Variants in TRIP6 observed in about 807,000 individuals in gnomAD.
The protein encoded by TRIP6 is thyroid receptor-interacting protein 6.
Under a neutral mutation model 51.9 loss-of-function variants are expected in TRIP6, and 33 were observed. The observed-to-expected ratio is 0.64, with a 90% CI of 0.48 to 0.85. The LOEUF (loss-of-function observed/expected upper bound fraction) is 0.85, where lower values mean the gene tolerates loss of function less well. Among genes scored for constraint, TRIP6 ranks in the 40% least tolerant of loss-of-function variants. TRIP6 has a pLI of 0.00. For synonymous variants in TRIP6, 255 were observed against 275.8 expected, an observed-to-expected ratio of 0.92 and a Z score of 0.75; for missense variants, 661 against 652.1, an observed-to-expected ratio of 1.01 and a Z score of -0.15.
Position 100,867,618 on chromosome 7 carries a change from CT to C in TRIP6, c.109+14del. On this transcript the variant is annotated intron_variant, in intron 1 of 8. Transcript: ENST00000200457. The surrounding 1 kb of genome is among the most constrained non-coding windows in gnomAD (Gnocchi z 5.4). ...GGCCCACGGAGCAGGTAAGGCAGCC[CT>C]TGTGAGACAGAAGAGCCACCCAGCT... 3 of 1,544,000 alleles carry C rather than the reference CT, an allele frequency of 1.9e-6. No homozygotes were observed. Among genetic ancestry groups the C allele is most frequent in the Non-Finnish European group, 2.6e-6 (3 of 1,148,910 alleles).
chr7:100,867,668 G>T lies in TRIP6; in HGVS notation c.109+62G>T. The T allele has an allele frequency of 6.4e-7, 1 of 1,563,616 alleles. No homozygotes were observed. ...CTGTGGCGCTCACCTCTGTCCTACCGCTCCAGCCTCCCGCCCTGGCTGCTT... is the reference window on the plus strand; with the variant it reads ...CTGTGGCGCTCACCTCTGTCCTACCTCTCCAGCCTCCCGCCCTGGCTGCTT... On this transcript the variant is annotated intron_variant, in intron 1 of 8. Coordinates refer to ENST00000200457, the MANE Select transcript of TRIP6 (RefSeq NM_003302.3). This position sits in a 1 kb window ranked among gnomAD's most constrained non-coding sequence, Gnocchi z 5.4.
At chr7:100,871,757 G>A (rs369254618) in intron 7 of TRIP6, 36 bp downstream of exon 7, 311 of 1,601,140 alleles carry the variant, frequency 1.9e-4, no homozygotes, top group Admixed American at 2.8e-4. Flanking sequence ...CACAATGTCT[G>A]ACCTTTCCTG....
Position 100,867,695 on chromosome 7 carries a change from C to T in TRIP6, c.109+89C>T, listed in dbSNP as rs1161269212. Reference sequence around the variant, plus strand: ...TCCAGCCTCCCGCCCTGGCTGCTTCCTCCTGCCCCTTCCCCAAGCCGAGGC... The same window carrying T: ...TCCAGCCTCCCGCCCTGGCTGCTTCTTCCTGCCCCTTCCCCAAGCCGAGGC... On this transcript the variant is annotated intron_variant, in intron 1 of 8. Coordinates refer to ENST00000200457, the MANE Select transcript of TRIP6 (RefSeq NM_003302.3). This position sits in a 1 kb window ranked among gnomAD's most constrained non-coding sequence, Gnocchi z 5.4. 31 of 1,544,046 alleles carry T rather than the reference C, an allele frequency of 2.0e-5. No individual in the cohort carries two copies. The highest frequency in any genetic ancestry group is 1.5e-5 in the Non-Finnish European group (17 of 1,141,134).
intron 4 of TRIP6, among the ~76,000 whole-genome samples, chr7:100,869,524 C>T (rs1257390981): frequency 2.7e-5 from 4 of 147,016 alleles, no homozygotes; most frequent in South Asian, 2.1e-4. Context: ...CCCAGCTACT[C>T]GGGAGGTTGA....
rs1584717019 is a variant in TRIP6 at position 100,867,809 on chromosome 7, A to C, written c.110-52A>C. The C allele has an allele frequency of 2.6e-6, 4 of 1,521,520 alleles. No individual in the cohort carries two copies. The highest frequency in any genetic ancestry group is 2.4e-5 in the East Asian group (1 of 41,700). 94.3% of individuals were successfully genotyped at this position (1,521,520 alleles called of 1,614,324 possible). ...GGAGAGGGTGGCTCCTCAAATATAC[A>C]CCCCTCCTGTCCTCCGCCACCCCAC... On this transcript the variant is annotated intron_variant, in intron 1 of 8. Transcript: ENST00000200457. The surrounding 1 kb of genome is among the most constrained non-coding windows in gnomAD (Gnocchi z 5.4).
chr7:100,869,804 G>T (rs1192341856), intron 4 of TRIP6, among the ~76,000 whole-genome samples: 2 of 149,174 alleles, frequency 1.3e-5, no homozygotes, highest in Admixed American at 6.7e-5. Context: ...CCATGGACTG[G>T]GGAGGGGGAT....
chr7:100,867,725 G>A lies in TRIP6; in HGVS notation c.109+119G>A. On this transcript the variant is annotated intron_variant, in intron 1 of 8. Coordinates refer to ENST00000200457, the MANE Select transcript of TRIP6 (RefSeq NM_003302.3). The surrounding 1 kb of genome is among the most constrained non-coding windows in gnomAD (Gnocchi z 5.4). ...GCCCCTTCCCCAAGCCGAGGCGGGG[G>A]GAACAGCCGCCTGCGCTCTCTTGGG... The A allele has an allele frequency of 6.6e-7, 1 of 1,523,980 alleles. No homozygotes were observed. The highest frequency in any genetic ancestry group is 8.8e-7 in the Non-Finnish European group (1 of 1,133,418). 94.4% of individuals were successfully genotyped at this position (1,523,980 alleles called of 1,614,324 possible). A position where few individuals can be genotyped will look rare whatever the true frequency, so the allele number is the denominator to read the frequency against.
intron 6 of TRIP6, 115 bp from the exon 7 acceptor site, chr7:100,871,428 G>C: frequency 1.0e-6 from 1 of 987,856 alleles, no homozygotes; most frequent in South Asian, 1.9e-5. Context: ...CGAATCACAT[G>C]CAGGAGGCTG....
intron 4 of TRIP6, 150 bp from the exon 5 acceptor site, chr7:100,870,220 A>G: frequency 1.4e-6 from 1 of 727,690 alleles, no homozygotes; most frequent in Non-Finnish European, 2.3e-6. Context: ...GATGGGGAGC[A>G]GCTGTAAATA....
intron 4 of TRIP6, 117 bp downstream of exon 4, chr7:100,868,983 G>C: frequency 7.6e-7 from 1 of 1,319,746 alleles, no homozygotes; most frequent in Non-Finnish European, 9.7e-7. Context: ...TTTTGCTCTT[G>C]TTTGCCCAGG....
rs1815246730 is a variant in TRIP6, at chr7:100,870,568, C to T, written c.830-6C>T. ...GAAGACTGATGCTGTTTCTCCCTGT[C>T]CTCAGGCCAGTGTGGTGGCTGCGGA... is the stretch of plus-strand genomic sequence containing the variant. On this transcript the variant is annotated splice_polypyrimidine_tract_variant and splice_region_variant and intron_variant, in intron 5 of 8. Transcript: ENST00000200457. The T allele has an allele frequency of 6.2e-7, 1 of 1,613,112 alleles. No homozygotes were observed. Among genetic ancestry groups the T allele is most frequent in the Non-Finnish European group, 8.5e-7 (1 of 1,179,446 alleles).
At chr7:100,872,534 T>G in intron 7 of TRIP6, 90 bp from the exon 8 acceptor site, 1 of 1,568,266 alleles carries the variant, frequency 6.4e-7, no homozygotes, top group South Asian at 1.2e-5. Flanking sequence ...CCTCTCTGAT[T>G]CCCTCCTGTG....
intron 6 of TRIP6, chr7:100,871,128 TG>T (rs1364267573): frequency 2.0e-6 from 1 of 490,348 alleles, no homozygotes; most frequent in Non-Finnish European, 4.0e-6. Flanking sequence ...CAGCCTGCCC[TG>T]GTTCAAGCGA....
In TRIP6 at chr7:100,871,620, C is replaced by T; in HGVS notation, c.1077C>T (p.His359=). ...RILRAMGKAY[H]PGCFTCVVCH... is the part of the protein sequence containing the mutation. ...TGCGGGCTATGGGGAAGGCCTACCA[C>T]CCTGGCTGCTTCACCTGCGTGGTGT... The change falls in exon 7 of 9, where the codon CAC becomes CAT. Residue 359 remains histidine, a synonymous_variant. Transcript: ENST00000200457. The T allele has an allele frequency of 1.9e-6, 3 of 1,614,166 alleles. No homozygotes were observed. The highest frequency in any genetic ancestry group is 2.5e-6 in the Non-Finnish European group (3 of 1,180,044).
intron 4 of TRIP6, among the ~76,000 whole-genome samples, chr7:100,870,112 C>T (rs1019783629): frequency 3.9e-5 from 6 of 152,160 alleles, no homozygotes; most frequent in Non-Finnish European, 8.8e-5. Flanking sequence ...CAACCTACAT[C>T]CTTCGAACAC....
intron 6 of TRIP6, 106 bp from the exon 7 acceptor site, chr7:100,871,437 T>A: frequency 9.0e-7 from 1 of 1,110,110 alleles, no homozygotes; most frequent in Non-Finnish European, 1.3e-6. Flanking sequence ...TGCAGGAGGC[T>A]GCATGCAGGA....
chr7:100,871,216 G>A (rs1268872717), intron 6 of TRIP6: 1 of 456,336 alleles, frequency 2.2e-6, no homozygotes, highest in South Asian at 1.9e-5. Flanking sequence ...TGTATTTTTA[G>A]TAGAGACAGG....
chr7:100,869,440 C>G (rs548065690), intron 4 of TRIP6, among the ~76,000 whole-genome samples: 1 of 150,172 alleles, frequency 6.7e-6, no homozygotes, highest in South Asian at 2.1e-4. Context: ...CGAGACCACA[C>G]TGACCAACAT....
In TRIP6 at chr7:100,870,748, G is replaced by A. The variant is rs985895063; in HGVS notation, c.999+5G>A. 3 of 1,609,130 alleles carry A rather than the reference G, an allele frequency of 1.9e-6. No individual in the cohort carries two copies. The Admixed American group carries it at 5.0e-5, about 27-fold the overall frequency. ...TATTGCGAGGGCTGCTACGTGGTGA[G>A]TGGCTGGGGCTGGGAGGAGGGAGTC... On this transcript the variant is annotated splice_donor_5th_base_variant and intron_variant, in intron 6 of 8. Coordinates refer to ENST00000200457, the MANE Select transcript of TRIP6 (RefSeq NM_003302.3).
Sources: gnomAD v4.1 joint callset for allele counts (sites outside exome capture counted in the v4.1 genomes callset) on GRCh38, gnomAD v4.1.1 for gene constraint, Gnocchi (gnomAD v3.1) non-coding constraint, MANE v1.5 for transcripts, NCBI Gene and HGNC (gene_info 2026-07-23, HGNC 2026-07-21) for gene names.